Variants in NISCH observed in about 807,000 individuals in gnomAD.
NISCH encodes I-1 receptor candidate protein.
NISCH carries 55 observed loss-of-function variants against 138.4 expected under a neutral mutation model. The observed-to-expected ratio is 0.40, with a 90% CI of 0.32 to 0.50. The LOEUF is 0.50. Ranked by LOEUF, NISCH falls within the 20% of genes least tolerant of loss-of-function variation. NISCH has a pLI of 0.71. For missense variants in NISCH, 1,643 were observed against 2,005.5 expected, an observed-to-expected ratio of 0.82 and a Z score of 3.45; for synonymous variants, 860 against 861.5, an observed-to-expected ratio of 1.00 and a Z score of 0.03.
intron 13 of NISCH, 124 bp from the exon 14 acceptor site, chr3:52,484,389 G>A (rs936427037): frequency 3.6e-6 from 3 of 828,180 alleles, no homozygotes; most frequent in Non-Finnish European, 5.6e-6. Flanking sequence ...ATGTGGCTGG[G>A]TTTTGGGATC....
intron 13 of NISCH, 51 bp from the exon 14 acceptor site, chr3:52,484,462 T>TTGGGCCCCCCCCCCC: frequency 3.8e-6 from 3 of 788,670 alleles, no homozygotes; most frequent in Non-Finnish European, 5.5e-6. Flanking sequence ...ACAGCCGCTC[T>TTGGGCCCCCCCCCCC]CCCCGCCCCA....
Position 52,489,444 on chromosome 3 carries a change from T to C in NISCH, c.3222T>C (p.Thr1074=). The C allele has an allele frequency of 6.2e-7, 1 of 1,602,676 alleles. No individual in the cohort carries two copies. The highest frequency in any genetic ancestry group is 8.5e-7 in the Non-Finnish European group (1 of 1,170,734). The stretch of plus-strand genomic sequence containing the variant: ...CCTCAGCCTCAGGCCCAGCGAAGAC[T>C]CCGGCCCCAGCAGAGGCCTCAACTT... ...AAASASGPAK[T]PAPAEASTSA... is the part of the protein sequence containing the mutation. Residue 1074 remains threonine, a synonymous_variant, in exon 17 of 21, where the codon ACT becomes ACC. Transcript: ENST00000345716.
At chr3:52,485,647 C>A in intron 14 of NISCH, 131 bp from the exon 15 acceptor site, 2 of 984,582 alleles carry the variant, frequency 2.0e-6, no homozygotes, top group Non-Finnish European at 3.1e-6. Flanking sequence ...CTCCAGGGTA[C>A]AGCGTGGGGA....
chr3:52,471,762 G>A (rs943157974), intron 4 of NISCH, 52 bp from the exon 5 acceptor site: 10 of 1,604,456 alleles, frequency 6.2e-6, no homozygotes, highest in Non-Finnish European at 8.5e-6. Flanking sequence ...CTGGCTGCAC[G>A]AGGGCTGGGG....
At position 52,470,926 on chromosome 3, in the gene NISCH, C is replaced by G. The variant is rs199898737; in HGVS notation, c.409+19C>G. On this transcript the variant is annotated intron_variant, in intron 4 of 20. Coordinates refer to ENST00000345716, the MANE Select transcript of NISCH (RefSeq NM_007184.4). ...GAGAAAGGTATGTGGCCACATGTCCCTGAAATACTGAGCATAAGTTGTGTA... is the reference window on the plus strand; with the variant it reads ...GAGAAAGGTATGTGGCCACATGTCCGTGAAATACTGAGCATAAGTTGTGTA... The G allele has an allele frequency of 5.8e-5, 93 of 1,613,228 alleles. No individual in the cohort carries two copies. The African/African-American group carries it at 9.1e-4, about 16-fold the overall frequency.
intron 13 of NISCH, chr3:52,481,521 T>C: frequency 1.0e-6 from 1 of 985,468 alleles, no homozygotes; most frequent in African/African-American, 1.7e-5. Flanking sequence ...TGACGCTGCC[T>C]CCTGTAGCGC....
At chr3:52,467,244 G>A (rs1267467417) in intron 3 of NISCH, among the ~76,000 whole-genome samples, 5 of 151,950 alleles carry the variant, frequency 3.3e-5, no homozygotes, top group Admixed American at 6.6e-5. Flanking sequence ...CAAGTGATCC[G>A]CCCGCCTCGG....
intron 13 of NISCH, among the ~76,000 whole-genome samples, chr3:52,484,034 G>T (rs565492662): frequency 6.6e-6 from 1 of 152,216 alleles, no homozygotes; most frequent in African/African-American, 2.4e-5. Context: ...TGTTCTATCC[G>T]CTGGCCGTTC....
intron 13 of NISCH, 51 bp from the exon 14 acceptor site, chr3:52,484,462 T>TACCCCCCCCCCC: frequency 1.3e-6 from 1 of 788,670 alleles, no homozygotes; most frequent in Non-Finnish European, 1.8e-6. Flanking sequence ...ACAGCCGCTC[T>TACCCCCCCCCCC]CCCCGCCCCA....
Position 52,478,097 on chromosome 3 carries a change from C to A in NISCH, c.988C>A (p.His330Asn). The A allele has an allele frequency of 1.2e-6, 2 of 1,613,602 alleles. No homozygotes were observed. Among genetic ancestry groups the A allele is most frequent in the Non-Finnish European group, 1.7e-6 (2 of 1,179,880 alleles). The change falls in exon 10 of 21, where the codon CAC becomes AAC. Residue 330 changes from histidine to asparagine, a missense_variant and splice_region_variant. Coordinates refer to ENST00000345716, the MANE Select transcript of NISCH (RefSeq NM_007184.4). Reference sequence around the variant, plus strand: ...TACGCTGTTCTCCACGCCGCTGCAGCACCTGTATAACCTTGTGCATCTGGA... The same window carrying A: ...TACGCTGTTCTCCACGCCGCTGCAGAACCTGTATAACCTTGTGCATCTGGA... ...NGLLVVDNLQ[H>N]LYNLVHLDLS...
At chr3:52,483,422 C>G (rs1215105639) in intron 13 of NISCH, among the ~76,000 whole-genome samples, 1 of 152,210 alleles carries the variant, frequency 6.6e-6, no homozygotes, top group East Asian at 1.9e-4. Flanking sequence ...AGTGTTCACC[C>G]TGCTGGCGGC....
At chr3:52,479,619 C>T in intron 11 of NISCH, 130 bp from the exon 12 acceptor site, 1 of 707,940 alleles carries the variant, frequency 1.4e-6, no homozygotes, top group South Asian at 1.8e-5. Context: ...GTGCTCACGC[C>T]TCCTCCTCAG....
Position 52,481,611 on chromosome 3 carries a change from G to A in NISCH, c.1528+1316G>A, listed in dbSNP as rs1707275889. 5 of 985,740 alleles carry A rather than the reference G, an allele frequency of 5.1e-6. No individual in the cohort carries two copies. In the South Asian group the frequency reaches 1.9e-4, roughly 37 times the overall value. 61.1% of individuals were successfully genotyped at this position (985,740 alleles called of 1,614,324 possible). ...GCTGCATCTGCTTCTCAAGGCCAGG[G>A]ACACAGCCATTTCTGCCAGCATCTG... On this transcript the variant is annotated intron_variant, in intron 13 of 20. Transcript: ENST00000345716.
chr3:52,470,821 G>A (rs1178749786), intron 3 of NISCH, 38 bp from the exon 4 acceptor site: 1 of 1,602,476 alleles, frequency 6.2e-7, no homozygotes, highest in Non-Finnish European at 8.6e-7. Flanking sequence ...ACTGGGGTCA[G>A]GTGGACTTTC....
At chr3:52,484,041 G>T (rs112079617) in intron 13 of NISCH, among the ~76,000 whole-genome samples, 3 of 152,330 alleles carry the variant, frequency 2.0e-5, no homozygotes, top group African/African-American at 7.2e-5. Context: ...TCCGCTGGCC[G>T]TTCTTCTGCG....
intron 1 of NISCH, among the ~76,000 whole-genome samples, chr3:52,456,466 G>A (rs1015561364): frequency 6.6e-6 from 1 of 152,098 alleles, no homozygotes; most frequent in Non-Finnish European, 1.5e-5. Flanking sequence ...GACAAATAGC[G>A]GGTAGTTCCC....
At position 52,476,482 on chromosome 3, in the gene NISCH, G is replaced by C. The variant is rs773874869; in HGVS notation, c.801G>C (p.Glu267Asp). ...VLVPEASEFD[E>D]WEPEGTTLEG... ...TTCCTGAAGCCTCAGAATTTGATGA[G>C]TGGGAGCCTGAAGGCACAACCCTAG... Residue 267 changes from glutamate to aspartate, a missense_variant, in exon 8 of 21, where the codon GAG becomes GAC. By Grantham distance (45) the Glu-to-Asp change is conservative. Transcript: ENST00000345716. The C allele has an allele frequency of 1.9e-6, 3 of 1,614,026 alleles. No individual in the cohort carries two copies. Among genetic ancestry groups the C allele is most frequent in the Non-Finnish European group, 2.5e-6 (3 of 1,180,042 alleles).
rs1707603238 is a variant in NISCH, at chr3:52,492,701, C to CG, written c.*219_*220insG. ...GGCTGTCGGTGTGCTGTCAGCCTCC[C>CG]ACAGGTGGTACAGCCGTGCACACCA... On this transcript the variant is annotated 3_prime_UTR_variant, in exon 21 of 21. Transcript: ENST00000345716. The CG allele has an allele frequency of 1.6e-6, 1 of 623,592 alleles. No homozygotes were observed. Among genetic ancestry groups the CG allele is most frequent in the East Asian group, 2.8e-5 (1 of 35,844 alleles). The allele number at this position is 623,592 out of a possible 1,614,324, so 38.6% of individuals were successfully genotyped here. A position where few individuals can be genotyped will look rare whatever the true frequency, so the allele number is the denominator to read the frequency against.
At chr3:52,479,962 G>T in intron 12 of NISCH, 100 bp downstream of exon 12, 1 of 1,064,424 alleles carries the variant, frequency 9.4e-7, no homozygotes, top group Non-Finnish European at 1.4e-6. Flanking sequence ...GGGCTGCCGA[G>T]TCCCAGCTGC....
Sources: gnomAD v4.1 joint callset for allele counts (sites outside exome capture counted in the v4.1 genomes callset) on GRCh38, gnomAD v4.1.1 for gene constraint, MANE v1.5 for transcripts, NCBI Gene and HGNC (gene_info 2026-07-23, HGNC 2026-07-21) for gene names.